The following CAVIN1 variants were observed in gnomAD, a reference collection of about 807,000 sequenced individuals.
The protein encoded by CAVIN1 is caveolae associated protein 1.
CAVIN1 carries 16 observed loss-of-function variants against 24.0 expected under a neutral mutation model. The ratio of observed to expected loss-of-function variants is 0.67; its 90% confidence interval spans 0.45 to 1.01. CAVIN1 has a LOEUF of 1.01. Ranked by LOEUF, CAVIN1 falls within the 50% of genes least tolerant of loss-of-function variation. CAVIN1 has a pLI of 0.00. For missense variants in CAVIN1, 510 were observed against 551.7 expected, an observed-to-expected ratio of 0.92 and a Z score of 0.76; for synonymous variants, 256 against 256.4, an observed-to-expected ratio of 1.00 and a Z score of 0.02.
At chr17:42,408,492 G>C (rs200113042) in intron 1 of CAVIN1, among the ~76,000 whole-genome samples, 3 of 151,804 alleles carry the variant, frequency 2.0e-5, no homozygotes, top group Admixed American at 6.6e-5. Context: ...TTGTTTTTTA[G>C]TTTTTTTGTT....
At chr17:42,415,124 C>A (rs543964652) in intron 1 of CAVIN1, among the ~76,000 whole-genome samples, 1 of 152,178 alleles carries the variant, frequency 6.6e-6, no homozygotes, top group Admixed American at 6.5e-5. Context: ...GCAAAGCAGC[C>A]CCAGGGCCAG....
At chr17:42,416,374 A>AAGAG (rs894094961) in intron 1 of CAVIN1, among the ~76,000 whole-genome samples, 4 of 41,916 alleles carry the variant, frequency 9.5e-5, no homozygotes, top group African/African-American at 1.6e-4. Flanking sequence ...TCAAAGAAAG[A>AAGAG]AGAGAGAGAG....
chr17:42,418,532 C>G (rs540671240), intron 1 of CAVIN1, among the ~76,000 whole-genome samples: 1 of 152,096 alleles, frequency 6.6e-6, no homozygotes, highest in Non-Finnish European at 1.5e-5. Context: ...CGCCCAGCCC[C>G]GTATTTCCAT....
intron 1 of CAVIN1, among the ~76,000 whole-genome samples, chr17:42,405,636 C>T (rs924640359): frequency 2.0e-5 from 3 of 151,534 alleles, no homozygotes; most frequent in Admixed American, 2.0e-4. Context: ...CACCCATCTC[C>T]GGCCCCCCAA....
chr17:42,417,011 T>C (rs1015475400), intron 1 of CAVIN1, among the ~76,000 whole-genome samples: 11 of 152,164 alleles, frequency 7.2e-5, no homozygotes, highest in African/African-American at 2.4e-4. Flanking sequence ...CCCCAGGCAC[T>C]TGGAGCAGGT....
chr17:42,411,192 C>CAAAA (rs71157624), intron 1 of CAVIN1, among the ~76,000 whole-genome samples: 44 of 46,664 alleles, frequency 9.4e-4, no homozygotes, highest in African/African-American at 2.9e-3. Context: ...GACTATGTCT[C>CAAAA]AAAAAAAAAA....
chr17:42,414,986 C>T (rs1202725728), intron 1 of CAVIN1, among the ~76,000 whole-genome samples: 2 of 151,618 alleles, frequency 1.3e-5, no homozygotes, highest in Non-Finnish European at 2.9e-5. Context: ...CACCTCTCCC[C>T]TCCCACTGTC....
rs367826339 is a variant in CAVIN1, at chr17:42,405,013, G to A, written c.847C>T (p.Pro283Ser). 1.5e-4 allele frequency: 239 copies of A among 1,614,152 alleles called. No homozygotes were observed. The highest frequency in any genetic ancestry group is 2.0e-4 in the Non-Finnish European group (233 of 1,180,012). ...RMNKLGTRLV[P>S]AERREKLKTS... ...TTCAGTTTCTCGCGCCGCTCGGCGG[G>A]CACCAGGCGCGTGCCCAGCTTGTTC... Residue 283 changes from proline (P) to serine (S), a missense_variant, in exon 2 of 2, where the codon CCC becomes TCC. Transcript: ENST00000357037.
intron 1 of CAVIN1, chr17:42,412,329 G>A: frequency 1.0e-6 from 1 of 975,314 alleles, no homozygotes; most frequent in South Asian, 4.7e-5. Context: ...TTGGTGGCAT[G>A]CAGAGTAGGG....
At chr17:42,413,034 CG>C (rs2085489399) in intron 1 of CAVIN1, among the ~76,000 whole-genome samples, 1 of 148,056 alleles carries the variant, frequency 6.8e-6, no homozygotes, top group South Asian at 2.2e-4. Flanking sequence ...TGGGTTCAAG[CG>C]ATTCTCCTGC....
chr17:42,419,017 C>A (rs767787464), intron 1 of CAVIN1, among the ~76,000 whole-genome samples: 1 of 152,056 alleles, frequency 6.6e-6, no homozygotes, highest in Admixed American at 6.6e-5. Flanking sequence ...CTAAGTGAGA[C>A]CCCGGACTCT....
Position 42,404,509 on chromosome 17 carries a change from G to A in CAVIN1, c.*178C>T. On this transcript the variant is annotated 3_prime_UTR_variant, in exon 2 of 2. Transcript: ENST00000357037. ...GTCCAAGCGGGGGTTGTCCACTGCG[G>A]GGGCTGCCTCCCCATCGGGTCCTAA... 2.1e-6 allele frequency: 1 copy of A among 482,800 alleles called. No homozygotes were observed. The highest frequency in any genetic ancestry group is 3.0e-5 in the South Asian group (1 of 32,834). The allele number at this position is 482,800 out of a possible 1,614,324, so 29.9% of individuals were successfully genotyped here.
intron 1 of CAVIN1, among the ~76,000 whole-genome samples, chr17:42,411,012 C>T (rs1389348651): frequency 7.8e-5 from 11 of 140,924 alleles, no homozygotes; most frequent in African/African-American, 1.6e-4. Flanking sequence ...GTCAGGAGTT[C>T]GAAACCCCGT....
chr17:42,420,120 G>A (rs1229899614), intron 1 of CAVIN1, among the ~76,000 whole-genome samples: 1 of 151,640 alleles, frequency 6.6e-6, no homozygotes, highest in African/African-American at 2.4e-5. Flanking sequence ...TCCCACCCCT[G>A]TAGTGGGGAA....
intron 1 of CAVIN1, 132 bp downstream of exon 1, chr17:42,422,495 T>G (rs1306081572): frequency 8.3e-4 from 109 of 131,152 alleles, no homozygotes; most frequent in Admixed American, 1.0e-3. Flanking sequence ...GGAAGGAGGG[T>G]GGATCTGCCG....
intron 1 of CAVIN1, among the ~76,000 whole-genome samples, chr17:42,419,256 A>T (rs1482092902): frequency 6.6e-6 from 1 of 152,122 alleles, no homozygotes; most frequent in Non-Finnish European, 1.5e-5. Flanking sequence ...TGGTTCTTTA[A>T]TGATCATAGT....
chr17:42,405,974 A>G (rs1221968092), intron 1 of CAVIN1, among the ~76,000 whole-genome samples: 1 of 152,146 alleles, frequency 6.6e-6, no homozygotes, highest in Admixed American at 6.5e-5. Context: ...GGCGTGAGCC[A>G]CTGCGCCCGG....
At chr17:42,413,263 A>G (rs948500311) in intron 1 of CAVIN1, among the ~76,000 whole-genome samples, 2 of 151,874 alleles carry the variant, frequency 1.3e-5, no homozygotes, top group Non-Finnish European at 2.9e-5. Context: ...TGCTTCATCA[A>G]GAGGGCCCTG....
chr17:42,422,986 C>A lies in CAVIN1; in HGVS notation c.112G>T (p.Ala38Ser). 1 of 1,613,526 alleles carries A rather than the reference C, an allele frequency of 6.2e-7. No homozygotes were observed. The highest frequency in any genetic ancestry group is 8.5e-7 in the Non-Finnish European group (1 of 1,179,922). The part of the protein sequence containing the change: ...GAQAAEEPSG[A>S]GSEELIKSDQ... ...GACTTGATCAGCTCTTCTGAGCCGG[C>A]CCCCGACGGCTCCTCCGCTGCCTGA... The change falls in exon 1 of 2, where the codon GCC becomes TCC. Residue 38 changes from alanine to serine, a missense_variant. By Grantham distance (99) the Ala-to-Ser change is moderately conservative. Coordinates refer to ENST00000357037, the MANE Select transcript of CAVIN1 (RefSeq NM_012232.6).
Sources: gnomAD v4.1 joint callset for allele counts (sites outside exome capture counted in the v4.1 genomes callset) on GRCh38, gnomAD v4.1.1 for gene constraint, MANE v1.5 for transcripts, NCBI Gene and HGNC (gene_info 2026-07-23, HGNC 2026-07-21) for gene names.